Variants in SMARCA2 observed in about 807,000 individuals in gnomAD.
SMARCA2 encodes SWI/SNF-related matrix-associated actin-dependent regulator of chromatin subfamily A member 2.
SMARCA2 carries 61 observed loss-of-function variants against 199.8 expected under a neutral mutation model. The observed-to-expected ratio is 0.31, with a 90% CI of 0.25 to 0.38. The LOEUF (loss-of-function observed/expected upper bound fraction) is 0.38, where lower values mean the gene tolerates loss of function less well. Among genes scored for constraint, SMARCA2 ranks in the 10% least tolerant of loss-of-function variants. SMARCA2 has a pLI of 1.00. For synonymous variants in SMARCA2, 935 were observed against 732.0 expected, an observed-to-expected ratio of 1.28 and a Z score of -4.48; for missense variants, 1,344 against 2,012.2, an observed-to-expected ratio of 0.67 and a Z score of 6.35.
At chr9:2,139,264 G>C (rs1249959723) in intron 27 of SMARCA2, among the ~76,000 whole-genome samples, 1 of 152,224 alleles carries the variant, frequency 6.6e-6, no homozygotes, top group African/African-American at 2.4e-5. Context: ...GATGGAGTTA[G>C]TACTCAAATC....
intron 25 of SMARCA2, 40 bp downstream of exon 25, chr9:2,116,089 G>A: frequency 6.9e-7 from 1 of 1,445,970 alleles, no homozygotes. Context: ...TCAAACAGTG[G>A]CCTTTTGTCT....
intron 29 of SMARCA2, 64 bp from the exon 30 acceptor site, chr9:2,181,507 A>G: frequency 3.6e-6 from 3 of 828,706 alleles, no homozygotes; most frequent in Non-Finnish European, 6.3e-6. Context: ...CTGAAATAAA[A>G]ATAAAACCTT....
intron 2 of SMARCA2, 26 bp downstream of exon 2, chr9:2,029,273 C>G: frequency 6.3e-7 from 1 of 1,590,958 alleles, no homozygotes; most frequent in Non-Finnish European, 8.6e-7. Context: ...CCCATTCAAA[C>G]TCAACTTCTG....
chr9:2,177,863 T>C (rs531287835), intron 29 of SMARCA2, among the ~76,000 whole-genome samples: 1 of 152,230 alleles, frequency 6.6e-6, no homozygotes, highest in South Asian at 2.1e-4. Context: ...GAGGTAGATT[T>C]CTTAACTAGC....
intron 28 of SMARCA2, among the ~76,000 whole-genome samples, chr9:2,168,369 C>A (rs941467580): frequency 1.3e-5 from 2 of 152,162 alleles, no homozygotes; most frequent in South Asian, 2.1e-4. Context: ...AAACTACAAA[C>A]CTGTGGACTA....
In SMARCA2 at chr9:2,192,810, C is replaced by G. The variant is rs1458348371; in HGVS notation, c.*71C>G. ...CTGTCTCATTTCTACCCAGTGAGTT[C>G]ATTTGTCATATAGGCACTGGGTTGT... On this transcript the variant is annotated 3_prime_UTR_variant, in exon 34 of 34. Coordinates refer to ENST00000349721, the MANE Select transcript of SMARCA2 (RefSeq NM_003070.5). The G allele has an allele frequency of 9.0e-7, 1 of 1,116,614 alleles. No individual in the cohort carries two copies. Among genetic ancestry groups the G allele is most frequent in the African/African-American group, 1.5e-5 (1 of 64,962 alleles). The allele number at this position is 1,116,614 out of a possible 1,614,324, so 69.2% of individuals were successfully genotyped here. A position where few individuals can be genotyped will look rare whatever the true frequency, so the allele number is the denominator to read the frequency against.
intron 28 of SMARCA2, among the ~76,000 whole-genome samples, chr9:2,165,433 G>T (rs1292965591): frequency 6.6e-6 from 1 of 152,114 alleles, no homozygotes; most frequent in Non-Finnish European, 1.5e-5. Context: ...CTAAAAATCT[G>T]ACCCTTAAGA....
intron 15 of SMARCA2, among the ~76,000 whole-genome samples, chr9:2,082,370 T>A (rs1821606467): frequency 6.6e-6 from 1 of 151,538 alleles, no homozygotes; most frequent in Non-Finnish European, 1.5e-5. Context: ...GATTTTTTCC[T>A]TATTCCATTT....
At chr9:2,089,815 G>T (rs576024575) in intron 19 of SMARCA2, among the ~76,000 whole-genome samples, 2 of 152,252 alleles carry the variant, frequency 1.3e-5, no homozygotes, top group African/African-American at 4.8e-5. Context: ...TGGGTGCCTT[G>T]AATTACTTCC....
At chr9:2,144,054 T>C (rs926402290) in intron 27 of SMARCA2, among the ~76,000 whole-genome samples, 5 of 151,066 alleles carry the variant, frequency 3.3e-5, no homozygotes, top group Admixed American at 1.3e-4. Context: ...ACCCTTTTCA[T>C]AGGGGAGCCG....
At chr9:2,101,866 T>C (rs1466475372) in intron 22 of SMARCA2, among the ~76,000 whole-genome samples, 3 of 152,234 alleles carry the variant, frequency 2.0e-5, no homozygotes, top group Non-Finnish European at 4.4e-5. Context: ...TATCCTAGTG[T>C]TCTAAAAATG....
intron 5 of SMARCA2, among the ~76,000 whole-genome samples, chr9:2,049,800 A>G (rs1820038496): frequency 6.6e-6 from 1 of 152,272 alleles, no homozygotes. Flanking sequence ...AAGACAACAA[A>G]TGAACCATTT....
intron 29 of SMARCA2, among the ~76,000 whole-genome samples, chr9:2,177,357 C>A (rs946986834): frequency 2.0e-5 from 3 of 152,106 alleles, no homozygotes; most frequent in African/African-American, 4.8e-5. Context: ...CACATTTTAA[C>A]CCTTATTAAT....
rs963738794 is a variant in SMARCA2, at chr9:2,170,779, C to A, written c.4253+307C>A. Among the ~76,000 whole-genome samples, 3 of 152,178 alleles carry A rather than the reference C, an allele frequency of 2.0e-5. No homozygotes were observed. The highest frequency in any genetic ancestry group is 7.2e-5 in the African/African-American group (3 of 41,428). On this transcript the variant is annotated intron_variant, in intron 29 of 33. Coordinates refer to ENST00000349721, the MANE Select transcript of SMARCA2 (RefSeq NM_003070.5). This position sits in a 1 kb window ranked among gnomAD's most constrained non-coding sequence, Gnocchi z 4.7. The stretch of plus-strand genomic sequence containing the variant: ...TGGAGATGGGTTTCTGTTGCTTCCC[C>A]CTCCCTTCCAGCGCAGCTTCTGTTG...
At position 2,115,711 on chromosome 9, in the gene SMARCA2, T is replaced by C; in HGVS notation, c.3457-111T>C. The C allele has an allele frequency of 1.3e-6, 1 of 785,800 alleles. No homozygotes were observed. Among genetic ancestry groups the C allele is most frequent in the South Asian group, 1.8e-5 (1 of 56,188 alleles). 48.7% of individuals were successfully genotyped at this position (785,800 alleles called of 1,614,324 possible). On this transcript the variant is annotated intron_variant, in intron 24 of 33. Transcript: ENST00000349721. This position sits in a 1 kb window ranked among gnomAD's most constrained non-coding sequence, Gnocchi z 6.0. Reference sequence around the variant, plus strand: ...TTAAAATGTAGGCAAAATCTTACCTTAGTGAAGGTGAAATACAGAACCCTT... The same window carrying C: ...TTAAAATGTAGGCAAAATCTTACCTCAGTGAAGGTGAAATACAGAACCCTT...
chr9:2,160,363 G>T, intron 27 of SMARCA2: 1 of 526,524 alleles, frequency 1.9e-6, no homozygotes, highest in East Asian at 2.9e-5. Flanking sequence ...ATCTGTCTGT[G>T]TGCATGTTGC....
intron 14 of SMARCA2, among the ~76,000 whole-genome samples, chr9:2,078,940 A>G (rs1821445253): frequency 1.3e-5 from 2 of 152,030 alleles, no homozygotes; most frequent in African/African-American, 4.8e-5. Context: ...GTGAGACTCT[A>G]TCCAAAAAAA....
intron 19 of SMARCA2, among the ~76,000 whole-genome samples, chr9:2,094,822 A>T (rs1822201616): frequency 6.6e-6 from 1 of 152,152 alleles, no homozygotes; most frequent in Admixed American, 6.5e-5. Flanking sequence ...AGAGCCCAGT[A>T]ATATTAGTCC....
chr9:2,073,292 A>C lies in SMARCA2; in HGVS notation c.1827A>C (p.Pro609=). The C allele has an allele frequency of 6.2e-7, 1 of 1,614,078 alleles. No homozygotes were observed. Among genetic ancestry groups the C allele is most frequent in the Non-Finnish European group, 8.5e-7 (1 of 1,179,996 alleles). Residue 609 remains proline, a synonymous_variant, in exon 11 of 34, where the codon CCA becomes CCC. Coordinates refer to ENST00000349721, the MANE Select transcript of SMARCA2 (RefSeq NM_003070.5). ...HTETGKVLFG[P]EAPKASQLDA... ...AAACCGGCAAGGTTCTGTTCGGACC[A>C]GAAGCACCCAAAGCAAGTCAGCTGG...
Sources: gnomAD v4.1 joint callset for allele counts (sites outside exome capture counted in the v4.1 genomes callset) on GRCh38, gnomAD v4.1.1 for gene constraint, Gnocchi (gnomAD v3.1) non-coding constraint, MANE v1.5 for transcripts, NCBI Gene and HGNC (gene_info 2026-07-23, HGNC 2026-07-21) for gene names.